The following TMPRSS7 variants were observed in gnomAD, a reference collection of about 807,000 sequenced individuals.
TMPRSS7 encodes transmembrane serine protease 7.
TMPRSS7 carries 81 observed loss-of-function variants against 95.6 expected under a neutral mutation model. That is an observed-to-expected ratio of 0.85 (90% CI 0.71 to 1.02). The LOEUF (loss-of-function observed/expected upper bound fraction) is 1.02. TMPRSS7 is among the 50% of genes least tolerant of loss of function. TMPRSS7 has a pLI of 0.00. For synonymous variants in TMPRSS7, 364 were observed against 337.8 expected, an observed-to-expected ratio of 1.08 and a Z score of -0.85; for missense variants, 945 against 955.2, an observed-to-expected ratio of 0.99 and a Z score of 0.14.
chr3:112,070,089 A>G (rs991797828), intron 13 of TMPRSS7, among the ~76,000 whole-genome samples: 1 of 152,166 alleles, frequency 6.6e-6, no homozygotes, highest in Admixed American at 6.5e-5. Flanking sequence ...TTATTTACCC[A>G]CTAGTCATTC....
intron 11 of TMPRSS7, 62 bp from the exon 12 acceptor site, chr3:112,063,462 TG>T: frequency 8.0e-7 from 1 of 1,249,086 alleles, no homozygotes; most frequent in East Asian, 2.3e-5. Context: ...TTTGCTAATG[TG>T]GTCTAGTGAT....
At chr3:112,038,258 C>A (rs1278530269) in exon 2 of TMPRSS7, 1 of 702,934 alleles carries the variant, frequency 1.4e-6, no homozygotes, top group Non-Finnish European at 2.6e-6. Context: ...TAAAATCATT[C>A]TCTTCACAGT....
intron 16 of TMPRSS7, among the ~76,000 whole-genome samples, chr3:112,078,060 A>G (rs995767087): frequency 2.6e-5 from 4 of 152,214 alleles, no homozygotes; most frequent in African/African-American, 4.8e-5. Flanking sequence ...GCTTTCATTT[A>G]GTGATTGAAG....
intron 12 of TMPRSS7, among the ~76,000 whole-genome samples, chr3:112,065,987 C>G (rs529083910): frequency 2.0e-5 from 3 of 152,094 alleles, no homozygotes; most frequent in Non-Finnish European, 4.4e-5. Context: ...GCTATTTGTT[C>G]GGGGGCTTGA....
At chr3:112,047,788 C>T (rs1358276165) in exon 7 of TMPRSS7, 3 of 1,613,920 alleles carry the variant, frequency 1.9e-6, no homozygotes, top group East Asian at 2.2e-5. Context: ...CTCTCCACTA[C>T]CCGCTGGAGA....
At chr3:112,064,145 A>G (rs753851882) in intron 12 of TMPRSS7, among the ~76,000 whole-genome samples, 1 of 152,288 alleles carries the variant, frequency 6.6e-6, no homozygotes, top group South Asian at 2.1e-4. Flanking sequence ...GGTGCATAAT[A>G]CTACCACGGG....
intron 10 of TMPRSS7, among the ~76,000 whole-genome samples, chr3:112,058,698 G>A (rs1014681779): frequency 6.6e-6 from 1 of 152,138 alleles, no homozygotes; most frequent in Non-Finnish European, 1.5e-5. Context: ...GAAGGTGTAA[G>A]CCTGTGACGG....
chr3:112,050,749 A>G, exon 9 of TMPRSS7: 1 of 1,601,198 alleles, frequency 6.2e-7, no homozygotes, highest in Non-Finnish European at 8.5e-7. Context: ...CCGAGCTACT[A>G]TCCTCCAAAA....
At chr3:112,041,396 A>G (rs1391562279) in intron 2 of TMPRSS7, among the ~76,000 whole-genome samples, 1 of 151,998 alleles carries the variant, frequency 6.6e-6, no homozygotes, top group Non-Finnish European at 1.5e-5. Flanking sequence ...TAGCATTTCC[A>G]TGTGCTGGGC....
rs760458661 is a variant in TMPRSS7 at position 112,077,048 on chromosome 3, C to T, written c.2128C>T (p.Gln710Ter). 6.2e-7 allele frequency: 1 copy of T among 1,614,206 alleles called. No homozygotes were observed. The highest frequency in any genetic ancestry group is 8.5e-7 in the Non-Finnish European group (1 of 1,180,038). ...TATTGCCTGGCCTGAGACCCTGAAA[C>T]AGCTCATTCAGCCAATATGCATTCC... The change falls in exon 16 of 18, where the codon CAG becomes TAG. Residue 710 changes from glutamine to a stop codon, truncating the protein, a stop_gained. Transcript: ENST00000452346. LOFTEE classifies it high-confidence loss of function.
At chr3:112,058,762 C>G (rs764391164) in intron 10 of TMPRSS7, among the ~76,000 whole-genome samples, 2 of 152,172 alleles carry the variant, frequency 1.3e-5, no homozygotes, top group Non-Finnish European at 1.5e-5. Context: ...AACAACGACC[C>G]GGGATGTGTT....
intron 17 of TMPRSS7, 88 bp downstream of exon 17, chr3:112,078,966 C>T (rs558476064): frequency 4.8e-6 from 7 of 1,464,552 alleles, no homozygotes; most frequent in African/African-American, 4.2e-5. Context: ...GGGAAATAAC[C>T]AGGGCAGGTA....
chr3:112,073,317 C>T (rs2073673592), intron 13 of TMPRSS7, among the ~76,000 whole-genome samples: 1 of 152,096 alleles, frequency 6.6e-6, no homozygotes, highest in African/African-American at 2.4e-5. Flanking sequence ...TGATCTCGAA[C>T]TCCTGACCTC....
At chr3:112,038,561 C>T (rs759685302) in intron 2 of TMPRSS7, among the ~76,000 whole-genome samples, 2 of 152,172 alleles carry the variant, frequency 1.3e-5, no homozygotes, top group Non-Finnish European at 2.9e-5. Flanking sequence ...ACCTTGAACT[C>T]CTGGGCTCAA....
chr3:112,064,230 C>G (rs1400942715), intron 12 of TMPRSS7, among the ~76,000 whole-genome samples: 7 of 152,210 alleles, frequency 4.6e-5, no homozygotes, highest in Non-Finnish European at 1.0e-4. Context: ...GGCACAGATT[C>G]TCCATCTAGA....
At chr3:112,046,088 A>G (rs774693646) in intron 5 of TMPRSS7, 145 bp downstream of exon 5, 76 of 720,180 alleles carry the variant, frequency 1.1e-4, no homozygotes, top group Non-Finnish European at 1.6e-4. Flanking sequence ...AAGACATTGG[A>G]GCTATGTTAG....
intron 13 of TMPRSS7, among the ~76,000 whole-genome samples, chr3:112,070,007 C>T (rs1271261165): frequency 2.0e-5 from 3 of 152,202 alleles, no homozygotes; most frequent in South Asian, 4.1e-4. Context: ...AAATGTGTCC[C>T]AGAGATTCTG....
chr3:112,041,901 G>A lies in TMPRSS7; in HGVS notation c.299-19G>A. On this transcript the variant is annotated intron_variant, in intron 2 of 17. Coordinates refer to ENST00000452346, the Ensembl canonical transcript of TMPRSS7. The stretch of plus-strand genomic sequence containing the variant: ...ACAGATGGGAAAGCCTCCGAATCTT[G>A]TTCTTTCCTATTTTACAGGTAAAAC... The A allele has an allele frequency of 6.8e-7, 1 of 1,478,148 alleles. No individual in the cohort carries two copies. Among genetic ancestry groups the A allele is most frequent in the Non-Finnish European group, 9.3e-7 (1 of 1,080,272 alleles). 91.6% of individuals were successfully genotyped at this position (1,478,148 alleles called of 1,614,324 possible).
intron 13 of TMPRSS7, among the ~76,000 whole-genome samples, chr3:112,068,768 AT>A (rs2107757917): frequency 6.6e-6 from 1 of 152,286 alleles, no homozygotes; most frequent in Non-Finnish European, 1.5e-5. Flanking sequence ...TCATCTGCAA[AT>A]AGGGGCAATT....
Sources: gnomAD v4.1 joint callset for allele counts (sites outside exome capture counted in the v4.1 genomes callset) on GRCh38, gnomAD v4.1.1 for gene constraint, MANE v1.5 for transcripts, NCBI Gene and HGNC (gene_info 2026-07-23, HGNC 2026-07-21) for gene names.